Variants in ITSN2 observed in about 807,000 individuals in gnomAD.
The protein encoded by ITSN2 is intersectin 2.
A neutral mutation model predicts 243.7 loss-of-function variants in ITSN2; 156 were observed. The observed-to-expected ratio is 0.64, with a 90% CI of 0.56 to 0.73. The LOEUF (loss-of-function observed/expected upper bound fraction) is 0.73. ITSN2 is among the 30% of genes least tolerant of loss of function. ITSN2 has a pLI of 0.00. For synonymous variants in ITSN2, 703 were observed against 699.9 expected (o/e 1.00, Z -0.07); for missense variants, 1,801 against 1,996.1 (o/e 0.90, Z 1.86).
chr2:24,275,121 A>G (rs377299376), intron 18 of ITSN2, among the ~76,000 whole-genome samples: 2 of 152,276 alleles, frequency 1.3e-5, no homozygotes, highest in East Asian at 3.8e-4. Flanking sequence ...TTCTGCTTTT[A>G]TGATCTTTCA....
At chr2:24,206,059 G>C (rs1668825596) in intron 37 of ITSN2, among the ~76,000 whole-genome samples, 1 of 152,170 alleles carries the variant, frequency 6.6e-6, no homozygotes, top group Non-Finnish European at 1.5e-5. Context: ...ACGCACGGAC[G>C]ATGCACAGCA....
rs997285094 is a variant in ITSN2, at chr2:24,253,120, A to G, written c.2954-609T>C. The stretch of plus-strand genomic sequence containing the variant: ...TATCTAAATTTTTATATCGCCTTTG[A>G]TTTTTGTTTCTGTGATTGTCACTGC... On this transcript the variant is annotated intron_variant, in intron 24 of 39. Transcript: ENST00000355123. Among the ~76,000 whole-genome samples, 7 of 152,200 alleles carry G rather than the reference A, an allele frequency of 4.6e-5. No homozygotes were observed. The East Asian group carries it at 1.4e-3, about 29-fold the overall frequency.
At chr2:24,329,650 T>C (rs897099875) in intron 1 of ITSN2, among the ~76,000 whole-genome samples, 1 of 152,230 alleles carries the variant, frequency 6.6e-6, no homozygotes, top group Non-Finnish European at 1.5e-5. Flanking sequence ...ATTAAAACCA[T>C]GGATCATAAT....
Position 24,302,120 on chromosome 2 carries a change from A to T in ITSN2, c.858-18T>A, listed in dbSNP as rs1430810028. ...CCAGAGTCCTAAAGAAAATGTTAAA[A>T]TTCACAACTTAATAAAGTCTATTTG... is the stretch of plus-strand genomic sequence containing the variant. On this transcript the variant is annotated intron_variant, in intron 9 of 39. Transcript: ENST00000355123. 6.3e-7 allele frequency: 1 copy of T among 1,578,942 alleles called. No homozygotes were observed. Among genetic ancestry groups the T allele is most frequent in the Non-Finnish European group, 8.6e-7 (1 of 1,159,360 alleles).
chr2:24,215,044 T>C (rs1196079986), intron 32 of ITSN2, among the ~76,000 whole-genome samples: 1 of 152,254 alleles, frequency 6.6e-6, no homozygotes, highest in Non-Finnish European at 1.5e-5. Context: ...TATGACTTTC[T>C]ATTATAATAA....
chr2:24,322,401 ATC>A (rs1209037314), intron 2 of ITSN2, among the ~76,000 whole-genome samples: 1 of 152,198 alleles, frequency 6.6e-6, no homozygotes, highest in Non-Finnish European at 1.5e-5. Context: ...GTCTTAAACT[ATC>A]TGTCTTGTTG....
chr2:24,338,035 T>C (rs749316051), intron 1 of ITSN2, among the ~76,000 whole-genome samples: 2 of 152,216 alleles, frequency 1.3e-5, no homozygotes, highest in Admixed American at 6.5e-5. Context: ...AAATTTAACC[T>C]GAGGCTGGTT....
At chr2:24,318,222 T>C (rs1288121780) in intron 2 of ITSN2, among the ~76,000 whole-genome samples, 1 of 152,192 alleles carries the variant, frequency 6.6e-6, no homozygotes, top group Admixed American at 6.5e-5. Context: ...CTTGGCTCAC[T>C]GCAGCCTTGA....
chr2:24,347,876 C>T (rs1421367599), intron 1 of ITSN2, among the ~76,000 whole-genome samples: 1 of 151,988 alleles, frequency 6.6e-6, no homozygotes, highest in East Asian at 1.9e-4. Context: ...AGTTCAAGAC[C>T]AGCCTAGGAA....
intron 27 of ITSN2, 28 bp downstream of exon 27, chr2:24,248,601 T>A (rs1054348793): frequency 6.4e-7 from 1 of 1,554,440 alleles, no homozygotes; most frequent in Non-Finnish European, 8.7e-7. Context: ...TATAATAAAA[T>A]TTATAGATGC....
chr2:24,309,081 T>C (rs1456686778), intron 7 of ITSN2: 1 of 230,794 alleles, frequency 4.3e-6, no homozygotes, highest in African/African-American at 2.3e-5. Context: ...ATGTAACAGT[T>C]TCATCCTAAA....
intron 20 of ITSN2, among the ~76,000 whole-genome samples, chr2:24,266,576 G>C (rs961959310): frequency 6.6e-6 from 1 of 152,100 alleles, no homozygotes; most frequent in African/African-American, 2.4e-5. Flanking sequence ...AAAATAGTTA[G>C]AATGAAAGCA....
chr2:24,301,029 AAT>A (rs1186261148), intron 11 of ITSN2, 123 bp downstream of exon 11: 4 of 523,856 alleles, frequency 7.6e-6, no homozygotes, highest in Non-Finnish European at 1.0e-5. Flanking sequence ...CCATCTATCA[AAT>A]AGTTTTTTCT....
intron 1 of ITSN2, among the ~76,000 whole-genome samples, chr2:24,353,668 C>CA (rs1156240982): frequency 6.6e-6 from 1 of 152,094 alleles, no homozygotes; most frequent in Non-Finnish European, 1.5e-5. Context: ...AGGTACAGCC[C>CA]ATGGGAATAC....
intron 22 of ITSN2, 23 bp from the exon 23 acceptor site, chr2:24,258,116 A>C (rs749587015): frequency 1.8e-5 from 29 of 1,572,850 alleles, no homozygotes; most frequent in Non-Finnish European, 2.4e-5. Flanking sequence ...AACCACCAAA[A>C]ATTTTTAAAA....
intron 8 of ITSN2, among the ~76,000 whole-genome samples, chr2:24,307,838 C>T (rs982609637): frequency 1.3e-5 from 2 of 152,190 alleles, no homozygotes; most frequent in Non-Finnish European, 2.9e-5. Context: ...CAAATGCCCC[C>T]ACGTTCAATC....
intron 16 of ITSN2, among the ~76,000 whole-genome samples, 158 bp from the exon 17 acceptor site, chr2:24,285,001 A>G (rs1399513850): frequency 1.4e-5 from 2 of 141,008 alleles, no homozygotes; most frequent in Admixed American, 7.9e-5. Flanking sequence ...GGTTCAAGCG[A>G]TTCTCCTGCC....
At chr2:24,248,397 T>C (rs531420469) in intron 27 of ITSN2, among the ~76,000 whole-genome samples, 2 of 152,298 alleles carry the variant, frequency 1.3e-5, no homozygotes, top group African/African-American at 2.4e-5. Flanking sequence ...AAAACAATTA[T>C]GTCTTTGGAG....
intron 28 of ITSN2, 147 bp from the exon 29 acceptor site, chr2:24,246,467 C>T (rs1673381417): frequency 4.0e-6 from 2 of 497,956 alleles, no homozygotes; most frequent in Non-Finnish European, 6.8e-6. Context: ...TCTTTCTCAC[C>T]CTCCTTCCCC....
Sources: gnomAD v4.1 joint callset for allele counts (sites outside exome capture counted in the v4.1 genomes callset) on GRCh38, gnomAD v4.1.1 for gene constraint, MANE v1.5 for transcripts, NCBI Gene and HGNC (gene_info 2026-07-23, HGNC 2026-07-21) for gene names.